The following CACNA1A variants were observed in gnomAD, a reference collection of about 807,000 sequenced individuals.
The protein encoded by CACNA1A is calcium voltage-gated channel subunit alpha1 A.
Under a neutral mutation model 262.4 loss-of-function variants are expected in CACNA1A, and 57 were observed. The observed-to-expected ratio is 0.22, with a 90% CI of 0.18 to 0.27. The LOEUF is 0.27. Ranked by LOEUF, CACNA1A falls within the 10% of genes least tolerant of loss-of-function variation. The pLI, the probability that CACNA1A is intolerant of heterozygous loss-of-function variation, is 1.00. For missense variants in CACNA1A, 2,526 were observed against 3,562.8 expected, an observed-to-expected ratio of 0.71 and a Z score of 7.41; for synonymous variants, 1,431 against 1,419.3, an observed-to-expected ratio of 1.01 and a Z score of -0.18.
rs1431054685 is a variant in CACNA1A, at chr19:13,286,546, G to A, written c.3510C>T (p.Ile1170=). 6.5e-7 allele frequency: 1 copy of A among 1,532,308 alleles called. No homozygotes were observed. The highest frequency in any genetic ancestry group is 8.8e-7 in the Non-Finnish European group (1 of 1,141,720). The allele number at this position is 1,532,308 out of a possible 1,614,324, so 94.9% of individuals were successfully genotyped here. The part of the protein sequence containing the change: ...ARKPDHTTVD[I]PPACPPPLNH... Reference sequence around the variant, plus strand: ...TGAGGGGGGGTGGGCAGGCTGGGGGGATGTCCACTGTGGTGTGGTCGGGTT... The same window carrying A: ...TGAGGGGGGGTGGGCAGGCTGGGGGAATGTCCACTGTGGTGTGGTCGGGTT... Residue 1170 remains isoleucine, a synonymous_variant, in exon 20 of 47, where the codon ATC becomes ATT. Coordinates refer to ENST00000360228, the MANE Select transcript of CACNA1A (RefSeq NM_001127222.2).
At chr19:13,251,000 T>C (rs1421564621) in intron 30 of CACNA1A, among the ~76,000 whole-genome samples, 1 of 150,970 alleles carries the variant, frequency 6.6e-6, no homozygotes, top group African/African-American at 2.4e-5. Context: ...GGCATGCTGG[T>C]GTGCATCTGT....
intron 36 of CACNA1A, among the ~76,000 whole-genome samples, chr19:13,229,522 A>G (rs2055590150): frequency 6.6e-6 from 1 of 152,150 alleles, no homozygotes; most frequent in African/African-American, 2.4e-5. Context: ...GTCTACCCAG[A>G]TGGGAGCGCC....
chr19:13,253,160 G>C, intron 29 of CACNA1A, 59 bp from the exon 30 acceptor site: 2 of 1,085,676 alleles, frequency 1.8e-6, no homozygotes, highest in Admixed American at 1.8e-5. Flanking sequence ...AGTGGGAAGT[G>C]GGGAGGCAGC....
chr19:13,346,649 TA>T (rs2058782354), intron 6 of CACNA1A, among the ~76,000 whole-genome samples: 7 of 6,132 alleles, frequency 1.1e-3, no homozygotes, highest in African/African-American at 3.3e-3. Context: ...TATATATATA[TA>T]TATATATATA....
chr19:13,503,522 G>C (rs1982634141), intron 1 of CACNA1A, among the ~76,000 whole-genome samples: 2 of 151,416 alleles, frequency 1.3e-5, no homozygotes, highest in African/African-American at 4.9e-5. Context: ...TTCTGCCCTG[G>C]TATCGTGACT....
chr19:13,381,290 CGGGA>C (rs1420755150), intron 3 of CACNA1A, among the ~76,000 whole-genome samples: 6 of 151,998 alleles, frequency 3.9e-5, no homozygotes, highest in African/African-American at 1.4e-4. Context: ...CCCAGCTACT[CGGGA>C]GGCTGTTGGT....
chr19:13,390,717 TATAA>T (rs1599351762), intron 3 of CACNA1A, among the ~76,000 whole-genome samples: 2 of 152,146 alleles, frequency 1.3e-5, no homozygotes, highest in East Asian at 3.9e-4. Flanking sequence ...CTAAATGATT[TATAA>T]ATATTAACTC....
Position 13,214,724 on chromosome 19 carries a change from G to T in CACNA1A, c.5732-116C>A, listed in dbSNP as rs551508384. The stretch of plus-strand genomic sequence containing the variant: ...AGACCCCAATCTTTCTGGTCCCCAT[G>T]GGGTCTCCAGTTCCCCAACGGCCTG... On this transcript the variant is annotated intron_variant, in intron 38 of 46. Transcript: ENST00000360228. This position sits in a 1 kb window ranked among gnomAD's most constrained non-coding sequence, Gnocchi z 4.1. 2.6e-6 allele frequency: 2 copies of T among 771,578 alleles called. No individual in the cohort carries two copies. Among genetic ancestry groups the T allele is most frequent in the South Asian group, 3.3e-5 (2 of 60,890 alleles). 47.8% of individuals were successfully genotyped at this position (771,578 alleles called of 1,614,324 possible).
intron 3 of CACNA1A, among the ~76,000 whole-genome samples, chr19:13,399,434 G>GAA (rs79173387): frequency 3.2e-4 from 45 of 139,264 alleles, no homozygotes; most frequent in Non-Finnish European, 3.3e-4. Context: ...GAGAGAAAAG[G>GAA]AAAAAAAAAA....
Position 13,313,070 on chromosome 19 carries a change from T to A in CACNA1A, c.1556-289A>T, listed in dbSNP as rs10414027. 0.34 allele frequency among the ~76,000 whole-genome samples: 51,799 copies of A among 151,592 alleles called. 9,333 individuals carry two copies. The highest frequency in any genetic ancestry group is 0.47 in the East Asian group (2,392 of 5,038). On this transcript the variant is annotated intron_variant, in intron 11 of 46. Transcript: ENST00000360228. ...AGATGGGGGTCTCACTATGTTGCCC[T>A]GGCTGGTCTTGAACTCCTGGCCTCA...
intron 10 of CACNA1A, among the ~76,000 whole-genome samples, chr19:13,324,620 A>G (rs2058317358): frequency 6.6e-6 from 1 of 152,160 alleles, no homozygotes; most frequent in Admixed American, 6.6e-5. Context: ...GTAATCCCAG[A>G]ACTTTGGGAA....
At chr19:13,473,962 T>C (rs1272113125) in intron 1 of CACNA1A, among the ~76,000 whole-genome samples, 1 of 152,194 alleles carries the variant, frequency 6.6e-6, no homozygotes, top group Admixed American at 6.5e-5. Context: ...CCACTGCACT[T>C]CCCCAAATAT....
chr19:13,298,675 G>C lies in CACNA1A; in HGVS notation c.2958C>G (p.Ala986=). The C allele has an allele frequency of 6.8e-7, 1 of 1,477,518 alleles. No homozygotes were observed. The highest frequency in any genetic ancestry group is 9.0e-7 in the Non-Finnish European group (1 of 1,116,832). The allele number at this position is 1,477,518 out of a possible 1,614,324, so 91.5% of individuals were successfully genotyped here. The change falls in exon 19 of 47, where the codon GCC becomes GCG. Residue 986 remains alanine (A), a synonymous_variant. Transcript: ENST00000360228. ...CCTCGCCCTCGCCCTCGCCGCCCCG[G>C]GCCGGCCGGCTGCCCTCGCGGTGCC... ...RARHREGSRP[A]RGGEGEGEGP... is the part of the protein sequence containing the mutation.
At chr19:13,476,652 G>A (rs143870682) in intron 1 of CACNA1A, among the ~76,000 whole-genome samples, 2 of 152,274 alleles carry the variant, frequency 1.3e-5, no homozygotes, top group African/African-American at 4.8e-5. Flanking sequence ...GCATAACAGG[G>A]TGACTGTAGT....
chr19:13,252,480 T>G (rs1381549435), intron 30 of CACNA1A: 2 of 152,350 alleles, frequency 1.3e-5, no homozygotes, highest in African/African-American at 4.8e-5. Flanking sequence ...AACCTCTGCC[T>G]CCCAGGTTCA....
rs1000790700 is a variant in CACNA1A, at chr19:13,381,242, A to T, written c.540-9463T>A. 6.6e-5 allele frequency among the ~76,000 whole-genome samples: 10 copies of T among 151,982 alleles called. No individual in the cohort carries two copies. In the South Asian group the frequency reaches 1.0e-3, roughly 16 times the overall value. ...GCTATTAAAAAAAATAATAACAATT[A>T]AAAAAATGGGCGGGGCATTGTGGTG... On this transcript the variant is annotated intron_variant, in intron 3 of 46. Coordinates refer to ENST00000360228, the MANE Select transcript of CACNA1A (RefSeq NM_001127222.2).
intron 45 of CACNA1A, 108 bp downstream of exon 45, chr19:13,209,204 A>T (rs894033516): frequency 1.5e-6 from 2 of 1,349,606 alleles, no homozygotes; most frequent in Non-Finnish European, 2.0e-6. Context: ...TCCCCTCTCC[A>T]TGGAGGCCTC....
At chr19:13,284,922 G>A in intron 21 of CACNA1A, 146 bp downstream of exon 21, 1 of 674,750 alleles carries the variant, frequency 1.5e-6, no homozygotes, top group Non-Finnish European at 2.5e-6. Flanking sequence ...CTGACTTACG[G>A]AAGGAGCATC....
At chr19:13,229,866 A>G in intron 36 of CACNA1A, 1 of 450,876 alleles carries the variant, frequency 2.2e-6, no homozygotes, top group South Asian at 5.9e-5. Flanking sequence ...CATTTCCCAG[A>G]AAGTCCAGGG....
Sources: gnomAD v4.1 joint callset for allele counts (sites outside exome capture counted in the v4.1 genomes callset) on GRCh38, gnomAD v4.1.1 for gene constraint, Gnocchi (gnomAD v3.1) non-coding constraint, MANE v1.5 for transcripts, NCBI Gene and HGNC (gene_info 2026-07-23, HGNC 2026-07-21) for gene names.